Variants in AP3S2 observed in about 807,000 individuals in gnomAD.
AP3S2 encodes AP-3 complex subunit sigma-2.
Under a neutral mutation model 23.4 loss-of-function variants are expected in AP3S2, and 22 were observed. That is an observed-to-expected ratio of 0.94 (90% CI 0.67 to 1.34). The LOEUF (loss-of-function observed/expected upper bound fraction) is 1.34, where lower values mean the gene tolerates loss of function less well. Ranked by LOEUF, AP3S2 falls within the 40% of genes most tolerant of loss-of-function variation. AP3S2 has a pLI of 0.00. For missense variants in AP3S2, 241 were observed against 236.9 expected, an observed-to-expected ratio of 1.02 and a Z score of -0.11; for synonymous variants, 86 against 87.1, an observed-to-expected ratio of 0.99 and a Z score of 0.07.
At chr15:89,856,969 T>C (rs978017496) in intron 4 of AP3S2, among the ~76,000 whole-genome samples, 3 of 152,140 alleles carry the variant, frequency 2.0e-5, no homozygotes, top group Admixed American at 1.3e-4. Flanking sequence ...CTGACTGTCC[T>C]GTATTGTTTG....
chr15:89,892,286 T>C (rs948409453), intron 1 of AP3S2, among the ~76,000 whole-genome samples: 2 of 152,174 alleles, frequency 1.3e-5, no homozygotes, highest in Non-Finnish European at 2.9e-5. Context: ...AGGTTTCTTT[T>C]TGGGGTGATG....
At chr15:89,859,849 C>T (rs191101455) in intron 4 of AP3S2, among the ~76,000 whole-genome samples, 26 of 151,418 alleles carry the variant, frequency 1.7e-4, no homozygotes, top group African/African-American at 5.8e-4. Context: ...CTGCAAGCTC[C>T]GCCTCCAGGG....
At chr15:89,860,318 A>G (rs1895983580) in intron 4 of AP3S2, among the ~76,000 whole-genome samples, 1 of 152,226 alleles carries the variant, frequency 6.6e-6, no homozygotes, top group Admixed American at 6.5e-5. Flanking sequence ...AACAATTATG[A>G]CAATATGCCA....
At chr15:89,853,204 T>C (rs938104357) in intron 4 of AP3S2, among the ~76,000 whole-genome samples, 2 of 152,094 alleles carry the variant, frequency 1.3e-5, no homozygotes, top group Non-Finnish European at 2.9e-5. Context: ...TTTAAATATA[T>C]CATTAGGAAG....
At chr15:89,893,859 G>C in intron 1 of AP3S2, 22 bp downstream of exon 1, 1 of 1,551,544 alleles carries the variant, frequency 6.4e-7, no homozygotes, top group Non-Finnish European at 8.7e-7. Context: ...GAAGGGGCGT[G>C]GTGAAGCCGG....
chr15:89,878,414 A>C, intron 3 of AP3S2: 1 of 498,048 alleles, frequency 2.0e-6, no homozygotes, highest in Non-Finnish European at 3.5e-6. Flanking sequence ...AACAAAACAA[A>C]TGAGCCTTTT....
At chr15:89,883,368 T>C (rs751829283) in intron 3 of AP3S2, among the ~76,000 whole-genome samples, 53 of 152,192 alleles carry the variant, frequency 3.5e-4, no homozygotes, top group Non-Finnish European at 6.3e-4. Flanking sequence ...TACAAATGTT[T>C]GTTAAAATTA....
In AP3S2 at chr15:89,884,097, A is replaced by T. The variant is rs114918567; in HGVS notation, c.273+4424T>A. On this transcript the variant is annotated intron_variant, in intron 3 of 5. Transcript: ENST00000336418. ...GTGCCTCTGAATTCTGAACCACATA[A>T]CTATATTCATTTCTTCAGAAAGTAA... The T allele has an allele frequency of 2.4e-3, 371 of 154,192 alleles. 1 individual carries two copies. The highest frequency in any genetic ancestry group is 8.4e-3 in the African/African-American group (349 of 41,614). 9.6% of individuals were successfully genotyped at this position (154,192 alleles called of 1,614,324 possible). A position where few individuals can be genotyped will look rare whatever the true frequency, so the allele number is the denominator to read the frequency against.
chr15:89,884,062 T>C (rs1400959155), intron 3 of AP3S2: 1 of 154,160 alleles, frequency 6.5e-6, no homozygotes, highest in African/African-American at 2.4e-5. Flanking sequence ...TCAACCTGTA[T>C]ACTCATAGTG....
intron 1 of AP3S2, 82 bp from the exon 2 acceptor site, chr15:89,889,222 T>G: frequency 6.7e-7 from 1 of 1,485,644 alleles, no homozygotes; most frequent in South Asian, 1.2e-5. Context: ...AGGGAAGAAG[T>G]GTTTCTAAGC....
rs899467843 is a variant in AP3S2 at position 89,862,165 on chromosome 15, A to C, written c.345+9310T>G. Among the ~76,000 whole-genome samples the C allele has an allele frequency of 2.6e-5, 4 of 152,218 alleles. 1 individual carries two copies. The highest frequency in any genetic ancestry group is 9.7e-5 in the African/African-American group (4 of 41,450). On this transcript the variant is annotated intron_variant, in intron 4 of 5. Coordinates refer to ENST00000336418, the MANE Select transcript of AP3S2 (RefSeq NM_005829.5). Reference sequence around the variant, plus strand: ...CAGTATGTGGGATCAACAAGAAGGAAGAGAGAATAAGGTTAGAAAACCTGC... The same window carrying C: ...CAGTATGTGGGATCAACAAGAAGGACGAGAGAATAAGGTTAGAAAACCTGC...
At chr15:89,858,519 GAGAGAGAAAGAAAGAAAGAAAGAA>G (rs1895915717) in intron 4 of AP3S2, among the ~76,000 whole-genome samples, 2 of 44,156 alleles carry the variant, frequency 4.5e-5, no homozygotes, top group African/African-American at 1.4e-4. Context: ...GAGAGAGAGA[GAGAGAGAAAGAAAGAAAGAAAGAA>G]AGAAAGAAAG....
chr15:89,883,989 C>T (rs895908104), intron 3 of AP3S2: 1 of 152,928 alleles, frequency 6.5e-6, no homozygotes, highest in Non-Finnish European at 1.5e-5. Context: ...ATGCAAATAT[C>T]CCCAAATCTG....
intron 4 of AP3S2, among the ~76,000 whole-genome samples, chr15:89,862,036 G>A (rs567091839): frequency 1.4e-4 from 21 of 152,274 alleles, no homozygotes; most frequent in East Asian, 9.6e-4. Flanking sequence ...CAGTAGTTAC[G>A]GAAGTAAAGC....
chr15:89,852,157 T>A (rs1474651606), intron 4 of AP3S2, among the ~76,000 whole-genome samples: 1 of 152,160 alleles, frequency 6.6e-6, no homozygotes, highest in Non-Finnish European at 1.5e-5. Context: ...TTCCTACCAA[T>A]AAACCTCAGT....
chr15:89,839,402 C>G (rs933150700), intron 4 of AP3S2, among the ~76,000 whole-genome samples: 11 of 152,214 alleles, frequency 7.2e-5, no homozygotes, highest in African/African-American at 2.7e-4. Flanking sequence ...CACGCACACA[C>G]ACACTCTCAC....
intron 4 of AP3S2, among the ~76,000 whole-genome samples, chr15:89,859,009 G>C (rs919912783): frequency 1.3e-5 from 2 of 151,074 alleles, no homozygotes; most frequent in African/African-American, 4.8e-5. Context: ...CCTTGCTTTT[G>C]TTTTTTTCTT....
Position 89,881,560 on chromosome 15 carries a change from G to A in AP3S2, c.273+6961C>T, listed in dbSNP as rs960953982. ...GAGTTATTGAAGTGTGATAAAATGC[G>A]CACCTTAGAATATACAAAATATGAC... On this transcript the variant is annotated intron_variant, in intron 3 of 5. Coordinates refer to ENST00000336418, the MANE Select transcript of AP3S2 (RefSeq NM_005829.5). Among the ~76,000 whole-genome samples the A allele has an allele frequency of 9.9e-5, 15 of 152,158 alleles. No individual in the cohort carries two copies. The East Asian group carries it at 1.5e-3, about 16-fold the overall frequency.
At chr15:89,856,376 A>C (rs936402432) in intron 4 of AP3S2, among the ~76,000 whole-genome samples, 4 of 152,078 alleles carry the variant, frequency 2.6e-5, no homozygotes, top group Non-Finnish European at 4.4e-5. Context: ...CAGGTTGGCC[A>C]ACATGGCGAA....
Sources: gnomAD v4.1 joint callset for allele counts (sites outside exome capture counted in the v4.1 genomes callset) on GRCh38, gnomAD v4.1.1 for gene constraint, MANE v1.5 for transcripts, NCBI Gene and HGNC (gene_info 2026-07-23, HGNC 2026-07-21) for gene names.